Variants in HSPBAP1 observed in about 807,000 individuals in gnomAD.
HSPBAP1 encodes HSPB1 associated protein 1.
Under a neutral mutation model 45.2 loss-of-function variants are expected in HSPBAP1, and 27 were observed. That is an observed-to-expected ratio of 0.60 (90% CI 0.44 to 0.82). The LOEUF (loss-of-function observed/expected upper bound fraction) is 0.82. HSPBAP1 is among the 40% of genes least tolerant of loss of function. HSPBAP1 has a pLI of 0.00. For synonymous variants in HSPBAP1, 204 were observed against 202.7 expected (o/e 1.01, Z -0.06); for missense variants, 510 against 590.9 (o/e 0.86, Z 1.42).
chr3:122,789,934 C>A (rs1395295584), intron 1 of HSPBAP1, among the ~76,000 whole-genome samples: 2 of 149,362 alleles, frequency 1.3e-5, no homozygotes, highest in Non-Finnish European at 3.0e-5. Context: ...ACGATCTCAA[C>A]TCACTACAAC....
intron 3 of HSPBAP1, among the ~76,000 whole-genome samples, chr3:122,765,453 C>T (rs1319095550): frequency 2.6e-5 from 4 of 151,444 alleles, no homozygotes; most frequent in Non-Finnish European, 4.4e-5. Context: ...TGGTGGTGCA[C>T]GCCTGTAATC....
chr3:122,781,374 G>A (rs1363535127), intron 1 of HSPBAP1, among the ~76,000 whole-genome samples: 5 of 152,224 alleles, frequency 3.3e-5, no homozygotes, highest in African/African-American at 9.7e-5. Context: ...CCAACACAGC[G>A]AAACCCCGTC....
Position 122,740,430 on chromosome 3 carries a change from G to A in HSPBAP1, c.1382C>T (p.Ser461Phe), listed in dbSNP as rs1933617775. The A allele has an allele frequency of 6.2e-7, 1 of 1,612,250 alleles. No individual in the cohort carries two copies. Among genetic ancestry groups the A allele is most frequent in the African/African-American group, 1.3e-5 (1 of 74,242 alleles). The change falls in exon 8 of 8, where the codon TCT (serine) becomes TTT (phenylalanine). Residue 461 changes from serine to phenylalanine, a missense_variant. By Grantham distance (155) the Ser-to-Phe change is radical. Coordinates refer to ENST00000306103, the MANE Select transcript of HSPBAP1 (RefSeq NM_024610.6). The stretch of plus-strand genomic sequence containing the variant: ...CAAGCAGTCCAGCAAGTCATCCGTA[G>A]AAATGAATGTTTGAGGAGTCGTAGT... ...NTTTTPQTFI[S>F]TDDLLDCLVN...
At chr3:122,747,663 CCG>C (rs1933946821) in intron 6 of HSPBAP1, among the ~76,000 whole-genome samples, 8 of 146,366 alleles carry the variant, frequency 5.5e-5, no homozygotes, top group African/African-American at 7.6e-5. Flanking sequence ...GCCAGCCGCC[CCG>C]TCCGGGAGGT....
rs1049218597 is a variant in HSPBAP1 at position 122,747,809 on chromosome 3, C to T, written c.825+4782G>A. On this transcript the variant is annotated intron_variant, in intron 6 of 7. Coordinates refer to ENST00000306103, the MANE Select transcript of HSPBAP1 (RefSeq NM_024610.6). The stretch of plus-strand genomic sequence containing the variant: ...GCCGCCCCGTCCGGGAGGTGAGGGG[C>T]GCCTCTGCCCAGCCGCCCCTACTGG... Among the ~76,000 whole-genome samples, 23 of 151,150 alleles carry T rather than the reference C, an allele frequency of 1.5e-4. 2 individuals carry two copies. Among genetic ancestry groups the T allele is most frequent in the East Asian group, 8.0e-4 (4 of 5,018 alleles).
At chr3:122,768,206 T>C (rs1472567648) in intron 3 of HSPBAP1, among the ~76,000 whole-genome samples, 1 of 152,190 alleles carries the variant, frequency 6.6e-6, no homozygotes, top group Non-Finnish European at 1.5e-5. Flanking sequence ...CACTACCAAA[T>C]ACTGGGAGCC....
intron 6 of HSPBAP1, among the ~76,000 whole-genome samples, chr3:122,746,384 CA>C (rs1933854017): frequency 6.9e-6 from 1 of 145,450 alleles, no homozygotes; most frequent in African/African-American, 2.6e-5. Context: ...AAAAACCCTG[CA>C]AAACAAAGCA....
At chr3:122,770,270 A>C in intron 2 of HSPBAP1, among the ~76,000 whole-genome samples, 1 of 152,254 alleles carries the variant, frequency 6.6e-6, no homozygotes, top group East Asian at 1.9e-4. Flanking sequence ...TTTGAGAAGC[A>C]GAAGAACTTA....
chr3:122,793,657 G>A lies in HSPBAP1; in HGVS notation c.24C>T (p.Thr8=), dbSNP rs561770010. 1 of 1,613,894 alleles carries A rather than the reference G, an allele frequency of 6.2e-7. No individual in the cohort carries two copies. The highest frequency in any genetic ancestry group is 8.5e-7 in the Non-Finnish European group (1 of 1,180,010). MAAGSEA[T]TPVIVAAGAG... ...CCCCAGCCGCAACGATCACAGGAGT[G>A]GTCGCCTCGGAGCCTGCTGCCATGG... The change falls in exon 1 of 8, where the codon ACC becomes ACT. Residue 8 remains threonine (T), a synonymous_variant. Transcript: ENST00000306103.
chr3:122,757,800 T>C (rs1934408263), intron 4 of HSPBAP1, among the ~76,000 whole-genome samples: 1 of 152,256 alleles, frequency 6.6e-6, no homozygotes, highest in African/African-American at 2.4e-5. Context: ...TATTTTTTGA[T>C]GTTTTTCCAA....
intron 6 of HSPBAP1, among the ~76,000 whole-genome samples, chr3:122,747,739 C>CG (rs1171281544): frequency 1.3e-5 from 2 of 150,638 alleles, no homozygotes; most frequent in Non-Finnish European, 3.0e-5. Context: ...CGGCCAGCCG[C>CG]CCCGTCCCGG....
At chr3:122,750,143 T>A (rs1293065781) in intron 6 of HSPBAP1, among the ~76,000 whole-genome samples, 1 of 151,486 alleles carries the variant, frequency 6.6e-6, no homozygotes, top group Non-Finnish European at 1.5e-5. Context: ...CCCAGCTAAT[T>A]TTTGCATTTT....
intron 3 of HSPBAP1, among the ~76,000 whole-genome samples, chr3:122,764,038 G>A (rs972213805): frequency 1.3e-5 from 2 of 152,140 alleles, no homozygotes; most frequent in Non-Finnish European, 2.9e-5. Flanking sequence ...CTTCTCAACC[G>A]CTTGTCCCCA....
chr3:122,757,921 G>A (rs1934413167), intron 4 of HSPBAP1, among the ~76,000 whole-genome samples: 1 of 152,186 alleles, frequency 6.6e-6, no homozygotes, highest in African/African-American at 2.4e-5. Context: ...CACAAGGATA[G>A]AGACCACACT....
chr3:122,740,676 G>A lies in HSPBAP1; in HGVS notation c.1136C>T (p.Thr379Ile), dbSNP rs1162973490. ...GGGACTTGCTGCCTCCGGTTTGTCTGTTCCTGTGGTCAAGTTCTGGCTACC... is the reference window on the plus strand; with the variant it reads ...GGGACTTGCTGCCTCCGGTTTGTCTATTCCTGTGGTCAAGTTCTGGCTACC... The part of the protein sequence containing the change: ...QTGSQNLTTG[T>I]DKPEAASPFG... Residue 379 changes from threonine (T) to isoleucine (I), a missense_variant, in exon 8 of 8, where the codon ACA becomes ATA. Thr to Ile is a moderately conservative substitution (Grantham distance 89). Coordinates refer to ENST00000306103, the MANE Select transcript of HSPBAP1 (RefSeq NM_024610.6). 1.2e-6 allele frequency: 2 copies of A among 1,613,922 alleles called. No individual in the cohort carries two copies. Among genetic ancestry groups the A allele is most frequent in the East Asian group, 4.5e-5 (2 of 44,884 alleles).
intron 1 of HSPBAP1, among the ~76,000 whole-genome samples, chr3:122,785,871 A>C (rs1560169780): frequency 6.6e-6 from 1 of 152,070 alleles, no homozygotes; most frequent in African/African-American, 2.4e-5. Context: ...ATAGATAGGG[A>C]ATATATATCT....
intron 6 of HSPBAP1, among the ~76,000 whole-genome samples, chr3:122,748,765 A>C (rs1005518289): frequency 1.3e-5 from 2 of 152,234 alleles, no homozygotes; most frequent in African/African-American, 4.8e-5. Flanking sequence ...CACTTCAACA[A>C]ATATAAAACA....
At chr3:122,787,625 G>A (rs904280496) in intron 1 of HSPBAP1, among the ~76,000 whole-genome samples, 5 of 152,128 alleles carry the variant, frequency 3.3e-5, no homozygotes, top group African/African-American at 1.2e-4. Context: ...CTGGGTCCTG[G>A]CACAGTGAGA....
In HSPBAP1 at chr3:122,755,276, G is replaced by A. The variant is rs761808840; in HGVS notation, c.725C>T (p.Thr242Ile). Reference sequence around the variant, plus strand: ...CCCTATTACCTGTCCTGGGCTCAGTGTAACCGCATGTCTTTGAGCTTTCCG... The same window carrying A: ...CCCTATTACCTGTCCTGGGCTCAGTATAACCGCATGTCTTTGAGCTTTCCG... The part of the protein sequence containing the change: ...QFRKAQRHAV[T>I]LSPGQVLFVP... Residue 242 changes from threonine to isoleucine, a missense_variant, in exon 5 of 8, where the codon ACA becomes ATA. Transcript: ENST00000306103. 1.6e-5 allele frequency: 26 copies of A among 1,586,550 alleles called. No homozygotes were observed. Among genetic ancestry groups the A allele is most frequent in the African/African-American group, 5.5e-5 (4 of 72,908 alleles).
Sources: allele counts gnomAD v4.1 joint callset (sites outside exome capture counted in the v4.1 genomes callset), GRCh38; gene constraint gnomAD v4.1.1; transcripts MANE v1.5; gene names NCBI Gene and HGNC (gene_info 2026-07-23, HGNC 2026-07-21).